The following PRELID2 variants were observed in gnomAD, a reference collection of about 807,000 sequenced individuals.
PRELID2 encodes PRELI domain-containing protein 2.
PRELID2 carries 25 observed loss-of-function variants against 28.4 expected under a neutral mutation model. The ratio of observed to expected loss-of-function variants is 0.88; its 90% CI spans 0.64 to 1.23. PRELID2 has a LOEUF of 1.23. PRELID2 is among the 50% of genes most tolerant of loss of function. PRELID2 has a pLI of 0.00. For missense variants in PRELID2, 201 were observed against 214.4 expected (o/e 0.94, Z 0.39); for synonymous variants, 76 against 71.6 (o/e 1.06, Z -0.31).
chr5:145,370,617 T>C, the PRELID2 span, among the ~76,000 whole-genome samples: 2 of 152,160 alleles, frequency 1.3e-5, no homozygotes, highest in African/African-American at 4.8e-5. Flanking sequence ...TCTTCTTTGA[T>C]TCCGTACGAA....
chr5:145,656,195 CAGTGAGA>C (rs1754390444), intron 1 of PRELID2, among the ~76,000 whole-genome samples: 1 of 152,180 alleles, frequency 6.6e-6, no homozygotes, highest in Non-Finnish European at 1.5e-5. Flanking sequence ...ATCAAAACCA[CAGTGAGA>C]TAACATCTCA....
chr5:145,310,123 T>C, the PRELID2 span, among the ~76,000 whole-genome samples: 2 of 152,196 alleles, frequency 1.3e-5, no homozygotes, highest in East Asian at 1.9e-4. Context: ...CCTTCATGGT[T>C]GTTGTGAGAT....
At chr5:145,733,862 TA>T (rs1756419002) in intron 1 of PRELID2, among the ~76,000 whole-genome samples, 1 of 152,168 alleles carries the variant, frequency 6.6e-6, no homozygotes, top group African/African-American at 2.4e-5. Flanking sequence ...TTCGCAGTTA[TA>T]ATGAAGTTGG....
rs145356508 is a variant in PRELID2, at chr5:145,771,082, G to A, written c.475-6082C>T. Among the ~76,000 whole-genome samples, 1,041 of 151,590 alleles carry A rather than the reference G, an allele frequency of 6.9e-3. 12 individuals are homozygous for A. Among genetic ancestry groups the A allele is most frequent in the African/African-American group, 0.024 (988 of 41,330 alleles). On this transcript the variant is annotated intron_variant, in intron 5 of 6. Transcript: ENST00000683046. ...CCCACCCAGAGCAACTTCCAGTCCC[G>A]CAAGTTTCATTCACAGTAAGTGTCC...
chr5:145,589,830 T>C (rs994799759), intron 1 of PRELID2, among the ~76,000 whole-genome samples: 7 of 152,220 alleles, frequency 4.6e-5, no homozygotes, highest in Admixed American at 3.3e-4. Context: ...TGGGTTTTTA[T>C]GTTAAGTTTG....
chr5:145,729,065 T>C, intron 1 of PRELID2: 1 of 608,018 alleles, frequency 1.6e-6, no homozygotes, highest in Non-Finnish European at 2.9e-6. Context: ...CCTTAAGAAA[T>C]TCAAGTAAGC....
the PRELID2 span, among the ~76,000 whole-genome samples, chr5:145,418,975 T>C: frequency 2.3e-4 from 34 of 149,882 alleles, no homozygotes; most frequent in African/African-American, 6.2e-4. Flanking sequence ...TGAGAATATG[T>C]GGTGTTTGGT....
At chr5:145,761,846 C>T (rs1757490791) in intron 6 of PRELID2, among the ~76,000 whole-genome samples, 1 of 152,050 alleles carries the variant, frequency 6.6e-6, no homozygotes, top group Non-Finnish European at 1.5e-5. Context: ...CATTTTACAA[C>T]ACATGAAAAC....
intron 1 of PRELID2, among the ~76,000 whole-genome samples, chr5:145,607,580 A>G (rs921073839): frequency 9.2e-5 from 14 of 151,972 alleles, no homozygotes; most frequent in Non-Finnish European, 4.4e-5. Flanking sequence ...ATCGATTTCT[A>G]TTTTTATTGC....
the PRELID2 span, among the ~76,000 whole-genome samples, chr5:145,455,536 G>A: frequency 6.6e-6 from 1 of 152,174 alleles, no homozygotes; most frequent in African/African-American, 2.4e-5. Context: ...ACTTTGGGCA[G>A]TATGGCCATT....
At chr5:145,402,360 A>C in the PRELID2 span, among the ~76,000 whole-genome samples, 1 of 152,186 alleles carries the variant, frequency 6.6e-6, no homozygotes, top group East Asian at 1.9e-4. Context: ...AAGCACTCAT[A>C]CTACAAAGGT....
intron 1 of PRELID2, among the ~76,000 whole-genome samples, chr5:145,735,767 T>C (rs1434053030): frequency 6.6e-6 from 1 of 152,172 alleles, no homozygotes; most frequent in Non-Finnish European, 1.5e-5. Context: ...TTCACACGGT[T>C]GCTTTGGGGA....
the PRELID2 span, among the ~76,000 whole-genome samples, chr5:145,255,986 A>G: frequency 6.6e-6 from 1 of 151,926 alleles, no homozygotes; most frequent in East Asian, 1.9e-4. Context: ...GAGACATTAC[A>G]TTAGTTTTTT....
chr5:145,663,446 A>T (rs1292562830), intron 1 of PRELID2, among the ~76,000 whole-genome samples: 1 of 152,164 alleles, frequency 6.6e-6, no homozygotes, highest in Admixed American at 6.6e-5. Context: ...GAAAAAGCCC[A>T]GTTTTGTGGT....
chr5:145,813,167 A>T (rs892950406), intron 4 of PRELID2, among the ~76,000 whole-genome samples: 1 of 152,162 alleles, frequency 6.6e-6, no homozygotes, highest in African/African-American at 2.4e-5. Context: ...CTAATTTTAC[A>T]CTTAGTAGCC....
At chr5:145,310,105 G>A in the PRELID2 span, among the ~76,000 whole-genome samples, 1 of 152,200 alleles carries the variant, frequency 6.6e-6, no homozygotes, top group South Asian at 2.1e-4. Flanking sequence ...AAGACCACAA[G>A]AATCCTGCCT....
the PRELID2 span, among the ~76,000 whole-genome samples, chr5:145,444,949 T>G: frequency 2.0e-5 from 3 of 151,986 alleles, no homozygotes; most frequent in African/African-American, 7.2e-5. Context: ...AAAATGACCA[T>G]ATTACCCAAG....
chr5:145,353,654 A>G, the PRELID2 span, among the ~76,000 whole-genome samples: 2 of 152,096 alleles, frequency 1.3e-5, no homozygotes, highest in African/African-American at 2.4e-5. Flanking sequence ...AAAGAGGAAA[A>G]GCACCTTATA....
the PRELID2 span, among the ~76,000 whole-genome samples, chr5:145,416,113 C>G: frequency 6.6e-6 from 1 of 151,996 alleles, no homozygotes; most frequent in Non-Finnish European, 1.5e-5. Context: ...CCTTCACCCA[C>G]TTTTTGATGG....
Sources: allele counts gnomAD v4.1 joint callset (sites outside exome capture counted in the v4.1 genomes callset), GRCh38; gene constraint gnomAD v4.1.1; transcripts MANE v1.5; gene names NCBI Gene and HGNC (gene_info 2026-07-23, HGNC 2026-07-21).